MIIP: variants seen among roughly 807,000 people sequenced by gnomAD.
The protein encoded by MIIP is migration and invasion-inhibitory protein.
MIIP carries 44 observed loss-of-function variants against 44.8 expected under a neutral mutation model. The ratio of observed to expected loss-of-function variants is 0.98; its 90% CI spans 0.77 to 1.26. The LOEUF is 1.26. Ranked by LOEUF, MIIP falls within the 50% of genes most tolerant of loss-of-function variation. MIIP has a pLI of 0.00. For synonymous variants in MIIP, 225 were observed against 218.3 expected, an observed-to-expected ratio of 1.03 and a Z score of -0.27; for missense variants, 496 against 511.7, an observed-to-expected ratio of 0.97 and a Z score of 0.30.
At chr1:12,022,765 C>T (rs1157842595) in intron 3 of MIIP, 68 bp from the exon 4 acceptor site, 10 of 1,241,770 alleles carry the variant, frequency 8.1e-6, no homozygotes, top group African/African-American at 1.5e-5. Context: ...CTCTGTCCCT[C>T]GAATTGCGGC....
intron 6 of MIIP, 184 bp downstream of exon 6, chr1:12,029,465 T>C: frequency 1.3e-6 from 1 of 745,538 alleles, no homozygotes; most frequent in South Asian, 1.9e-5. Context: ...TGGAGTGAGC[T>C]AAGGCCTGGC....
At chr1:12,026,627 G>GCATGAA (rs1183344128) in intron 4 of MIIP, among the ~76,000 whole-genome samples, 1 of 152,200 alleles carries the variant, frequency 6.6e-6, no homozygotes, top group Non-Finnish European at 1.5e-5. Context: ...CTTAGCATGA[G>GCATGAA]CATGAACGTG....
chr1:12,020,748 A>G (rs1639954747), intron 1 of MIIP, among the ~76,000 whole-genome samples: 1 of 151,772 alleles, frequency 6.6e-6, no homozygotes, highest in Non-Finnish European at 1.5e-5. Context: ...CAATGGTGCG[A>G]TCTCGGCTCA....
chr1:12,024,229 T>G (rs920942904), intron 4 of MIIP: 8 of 152,214 alleles, frequency 5.3e-5, no homozygotes, highest in Non-Finnish European at 1.5e-5. Flanking sequence ...TTTGAACATT[T>G]GTTATGTGCC....
chr1:12,026,157 T>G (rs1232327748), intron 4 of MIIP, among the ~76,000 whole-genome samples: 1 of 151,954 alleles, frequency 6.6e-6, no homozygotes, highest in Non-Finnish European at 1.5e-5. Context: ...ATACAAAAAT[T>G]AGCCAGGTGT....
At chr1:12,028,282 C>T (rs577197437) in intron 4 of MIIP, among the ~76,000 whole-genome samples, 3 of 152,284 alleles carry the variant, frequency 2.0e-5, no homozygotes, top group Admixed American at 2.0e-4. Flanking sequence ...CCAGCTGAAT[C>T]CTAACCGATG....
intron 4 of MIIP, 39 bp downstream of exon 4, chr1:12,022,956 A>G: frequency 1.3e-6 from 2 of 1,495,590 alleles, no homozygotes; most frequent in Non-Finnish European, 9.1e-7. Flanking sequence ...TTTGCCTGGG[A>G]GTGGGAGGTG....
intron 6 of MIIP, 90 bp downstream of exon 6, chr1:12,029,371 T>G: frequency 7.2e-7 from 1 of 1,390,930 alleles, no homozygotes; most frequent in Non-Finnish European, 9.9e-7. Flanking sequence ...ATTTGAGGTT[T>G]GGGGCCTGGG....
Position 12,022,109 on chromosome 1 carries a change from C to T in MIIP, c.129C>T (p.Ser43=). ...ARAASESSLE[S]SSSYNSETPS... ...CCTCTCTCCAGTCAAGCCTGGAATCCAGCAGCAGCTACAACTCAGAGACTC... is the reference window on the plus strand; with the variant it reads ...CCTCTCTCCAGTCAAGCCTGGAATCTAGCAGCAGCTACAACTCAGAGACTC... The change falls in exon 3 of 10, where the codon TCC becomes TCT. Residue 43 remains serine (S), a synonymous_variant. Coordinates refer to ENST00000235332, the MANE Select transcript of MIIP (RefSeq NM_021933.4). 6.2e-7 allele frequency: 1 copy of T among 1,613,832 alleles called. No individual in the cohort carries two copies. Among genetic ancestry groups the T allele is most frequent in the Non-Finnish European group, 8.5e-7 (1 of 1,179,874 alleles).
At chr1:12,023,488 C>G (rs982485305) in intron 4 of MIIP, among the ~76,000 whole-genome samples, 1 of 151,274 alleles carries the variant, frequency 6.6e-6, no homozygotes, top group Non-Finnish European at 1.5e-5. Flanking sequence ...ACTGCAAGCC[C>G]CGCCTCCCAG....
intron 1 of MIIP, among the ~76,000 whole-genome samples, chr1:12,021,372 C>T (rs1265087327): frequency 2.0e-5 from 3 of 148,396 alleles, no homozygotes; most frequent in Admixed American, 6.8e-5. Flanking sequence ...CCAGCCTGGG[C>T]GACAGAGCAA....
chr1:12,031,322 C>T lies in MIIP; in HGVS notation c.999C>T (p.Pro333=), dbSNP rs1640235905. 1 of 1,614,004 alleles carries T rather than the reference C, an allele frequency of 6.2e-7. No homozygotes were observed. Among genetic ancestry groups the T allele is most frequent in the South Asian group, 1.1e-5 (1 of 91,090 alleles). The change falls in exon 9 of 10, where the codon CCC becomes CCT. Residue 333 remains proline (P), a synonymous_variant. Coordinates refer to ENST00000235332, the MANE Select transcript of MIIP (RefSeq NM_021933.4). ...FPPKSEKSSA[P]RNLDLWSSVS... Reference sequence around the variant, plus strand: ...CGAAGTCTGAGAAAAGCTCAGCCCCCAGGAACCTGGACCTCTGGTCCTCTG... The same window carrying T: ...CGAAGTCTGAGAAAAGCTCAGCCCCTAGGAACCTGGACCTCTGGTCCTCTG...
intron 4 of MIIP, 137 bp downstream of exon 4, chr1:12,023,054 A>ACC: frequency 2.5e-6 from 1 of 392,400 alleles, no homozygotes; most frequent in Non-Finnish European, 4.3e-6. Context: ...CGTGGGGAGC[A>ACC]CCCTCTTTTT....
intron 4 of MIIP, chr1:12,028,750 C>T: frequency 4.7e-6 from 2 of 427,054 alleles, no homozygotes; most frequent in Non-Finnish European, 8.7e-6. Flanking sequence ...GGGGCTTTGT[C>T]TGTCTAGTTC....
At position 12,021,724 on chromosome 1, in the gene MIIP, A is replaced by G. The variant is rs1639978709; in HGVS notation, c.-3A>G. The G allele has an allele frequency of 3.1e-6, 5 of 1,612,396 alleles. No homozygotes were observed. Among genetic ancestry groups the G allele is most frequent in the South Asian group, 1.1e-5 (1 of 90,922 alleles). Reference sequence around the variant, plus strand: ...AAGTGACACCTGCTGAGAGAGGCCCAGGATGGTGGAGGCTGAGGAACTGGC... The same window carrying G: ...AAGTGACACCTGCTGAGAGAGGCCCGGGATGGTGGAGGCTGAGGAACTGGC... On this transcript the variant is annotated 5_prime_UTR_variant, in exon 2 of 10. Coordinates refer to ENST00000235332, the MANE Select transcript of MIIP (RefSeq NM_021933.4).
intron 4 of MIIP, among the ~76,000 whole-genome samples, chr1:12,024,397 A>G (rs1305079114): frequency 2.0e-5 from 3 of 152,170 alleles, no homozygotes; most frequent in Non-Finnish European, 2.9e-5. Context: ...GTGTAAATAC[A>G]TAACATAAAA....
Position 12,031,940 on chromosome 1 carries a change from A to T in MIIP, c.*132A>T, listed in dbSNP as rs1452105086. On this transcript the variant is annotated 3_prime_UTR_variant, in exon 10 of 10. Transcript: ENST00000235332. ...TGTCCTAGGTTGGGCAGGTGGGTGG[A>T]CCCAAGCTTGTCTGCTGCCTGAGTT... 7.0e-6 allele frequency: 6 copies of T among 852,818 alleles called. No homozygotes were observed. Among genetic ancestry groups the T allele is most frequent in the Non-Finnish European group, 9.1e-6 (5 of 549,012 alleles). 52.8% of individuals were successfully genotyped at this position (852,818 alleles called of 1,614,324 possible).
rs1257075749 is a variant in MIIP at position 12,031,376 on chromosome 1, G to A, written c.1053G>A (p.Leu351=). 6.2e-7 allele frequency: 1 copy of A among 1,613,878 alleles called. No homozygotes were observed. Among genetic ancestry groups the A allele is most frequent in the Non-Finnish European group, 8.5e-7 (1 of 1,179,906 alleles). ...SVSAEAQHQK[L]SGTSSPFHPA... Reference sequence around the variant, plus strand: ...CCGCTGAGGCCCAGCACCAGAAGCTGTCCGGCACCAGCAGCCCTTTTCACC... The same window carrying A: ...CCGCTGAGGCCCAGCACCAGAAGCTATCCGGCACCAGCAGCCCTTTTCACC... The change falls in exon 9 of 10, where the codon CTG becomes CTA. Residue 351 remains leucine (L), a synonymous_variant. Coordinates refer to ENST00000235332, the MANE Select transcript of MIIP (RefSeq NM_021933.4).
At position 12,029,017 on chromosome 1, in the gene MIIP, G is replaced by A. The variant is rs775062933; in HGVS notation, c.548-16G>A. Reference sequence around the variant, plus strand: ...GCCCCTCTCCCGTCAGCTGCCTGGTGCTTTGCCCACACCAGGGTCTCTGGA... The same window carrying A: ...GCCCCTCTCCCGTCAGCTGCCTGGTACTTTGCCCACACCAGGGTCTCTGGA... On this transcript the variant is annotated splice_polypyrimidine_tract_variant and intron_variant, in intron 4 of 9. Coordinates refer to ENST00000235332, the MANE Select transcript of MIIP (RefSeq NM_021933.4). 8 of 1,606,444 alleles carry A rather than the reference G, an allele frequency of 5.0e-6. No homozygotes were observed. The highest frequency in any genetic ancestry group is 6.8e-6 in the Non-Finnish European group (8 of 1,173,144).
Sources: gnomAD v4.1 joint callset for allele counts (sites outside exome capture counted in the v4.1 genomes callset) on GRCh38, gnomAD v4.1.1 for gene constraint, MANE v1.5 for transcripts, NCBI Gene and HGNC (gene_info 2026-07-23, HGNC 2026-07-21) for gene names.